SEZ6L2: variants seen among roughly 807,000 people sequenced by gnomAD.
SEZ6L2 encodes the protein seizure related 6 homolog like 2.
A neutral mutation model predicts 97.0 loss-of-function variants in SEZ6L2; 44 were observed. The ratio of observed to expected loss-of-function variants is 0.45; its 90% CI spans 0.36 to 0.58. The LOEUF (loss-of-function observed/expected upper bound fraction) is 0.58, where lower values mean the gene tolerates loss of function less well. Ranked by LOEUF, SEZ6L2 falls within the 20% of genes least tolerant of loss-of-function variation. The pLI is 0.00. For missense variants in SEZ6L2, 1,086 were observed against 1,233.3 expected, an observed-to-expected ratio of 0.88 and a Z score of 1.79; for synonymous variants, 543 against 546.1, an observed-to-expected ratio of 0.99 and a Z score of 0.08.
At chr16:29,884,112 G>A (rs897651712) in intron 8 of SEZ6L2, among the ~76,000 whole-genome samples, 13 of 152,010 alleles carry the variant, frequency 8.6e-5, no homozygotes, top group East Asian at 5.8e-4. Context: ...ACTAGGTTAA[G>A]TTGGAGCCCA....
intron 5 of SEZ6L2, among the ~76,000 whole-genome samples, 184 bp from the exon 6 acceptor site, chr16:29,888,909 A>C (rs2068207809): frequency 6.6e-6 from 1 of 151,830 alleles, no homozygotes; most frequent in South Asian, 2.1e-4. Context: ...GCGAACAGGA[A>C]ACTCCAACAC....
chr16:29,887,294 G>A (rs2068162922), intron 7 of SEZ6L2, among the ~76,000 whole-genome samples: 1 of 150,842 alleles, frequency 6.6e-6, no homozygotes, highest in African/African-American at 2.4e-5. Context: ...ACTTCCCTGA[G>A]GTGGGGACTT....
At position 29,895,710 on chromosome 16, in the gene SEZ6L2, G is replaced by T. The variant is rs775773398; in HGVS notation, c.651+11C>A. The T allele has an allele frequency of 2.5e-6, 4 of 1,610,778 alleles. No individual in the cohort carries two copies. Among genetic ancestry groups the T allele is most frequent in the East Asian group, 2.2e-5 (1 of 44,814 alleles). On this transcript the variant is annotated intron_variant, in intron 4 of 17. Transcript: ENST00000617533. ...TGGAAGCTGCACAGTCACATGCTTT[G>T]GTCCAGTTACCTGGATCTCAATGCC...
Position 29,896,948 on chromosome 16 carries a change from T to C in SEZ6L2, c.385A>G (p.Thr129Ala), listed in dbSNP as rs754285341. ...GGGCTGGGTGGGGGTGGGGCTGTGG[T>C]TCCTGGGGGCGGGGTCAGCAGTTCT... ...APELLTPPPG[T>A]TAPPPPSPAS... The change falls in exon 3 of 18, where the codon ACC (threonine) becomes GCC (alanine). Residue 129 changes from threonine (T) to alanine (A), a missense_variant. Physicochemically the swap from Thr to Ala is moderately conservative, Grantham distance 58. Around this residue, in one of 2 missense-constraint regions of SEZ6L2, gnomAD observed 776 missense variants for 794.7 expected, o/e 0.98. Transcript: ENST00000617533. 1.2e-6 allele frequency: 2 copies of C among 1,602,916 alleles called. No homozygotes were observed. The highest frequency in any genetic ancestry group is 1.7e-6 in the Non-Finnish European group (2 of 1,175,788).
At position 29,899,518 on chromosome 16, in the gene SEZ6L2, CG is replaced by C. The variant is rs1330329931; in HGVS notation, c.-500del. On this transcript the variant is annotated 5_prime_UTR_variant, in exon 1 of 18. Transcript: ENST00000617533. ...TTGGGGAACTGGGAGAGCCGAAGCT[CG>C]GGCACTGGAGCTGCGGGAGGGAGAA... 6.4e-6 allele frequency: 1 copy of C among 156,920 alleles called. No homozygotes were observed. Among genetic ancestry groups the C allele is most frequent in the Admixed American group, 6.5e-5 (1 of 15,270 alleles). 9.7% of individuals were successfully genotyped at this position (156,920 alleles called of 1,614,324 possible).
At position 29,885,760 on chromosome 16, in the gene SEZ6L2, C is replaced by A; in HGVS notation, c.1209-11G>T. ...GAGCGCACCATCAGCCTGGGATGGACAGAAACGTGACCAGGAGCTCAATCT... is the reference window on the plus strand; with the variant it reads ...GAGCGCACCATCAGCCTGGGATGGAAAGAAACGTGACCAGGAGCTCAATCT... On this transcript the variant is annotated splice_polypyrimidine_tract_variant and intron_variant, in intron 7 of 17. Transcript: ENST00000617533. 1 of 1,590,596 alleles carries A rather than the reference C, an allele frequency of 6.3e-7. No homozygotes were observed. Among genetic ancestry groups the A allele is most frequent in the Non-Finnish European group, 8.6e-7 (1 of 1,162,716 alleles).
Position 29,879,070 on chromosome 16 carries a change from T to G in SEZ6L2, c.1574-645A>C, listed in dbSNP as rs912162786. On this transcript the variant is annotated intron_variant, in intron 9 of 17. Transcript: ENST00000617533. ...GGCACGCACTACCATGCCCGGCTAA[T>G]TTTTGTATTTTTAGTAGAGACGGGG... Among the ~76,000 whole-genome samples, 11 of 148,026 alleles carry G rather than the reference T, an allele frequency of 7.4e-5. No homozygotes were observed. The East Asian group carries it at 1.4e-3, about 19-fold the overall frequency.
intron 8 of SEZ6L2, among the ~76,000 whole-genome samples, chr16:29,883,923 C>T (rs1031133513): frequency 6.6e-6 from 1 of 151,800 alleles, no homozygotes; most frequent in Non-Finnish European, 1.5e-5. Flanking sequence ...CAAAGCAAGA[C>T]CTATTTCAAT....
intron 12 of SEZ6L2, among the ~76,000 whole-genome samples, chr16:29,874,988 C>G (rs1162740976): frequency 6.6e-6 from 1 of 152,122 alleles, no homozygotes; most frequent in Admixed American, 6.6e-5. Flanking sequence ...AATTCTCGCA[C>G]CACAGCCTTC....
chr16:29,883,819 C>T (rs1029654445), intron 8 of SEZ6L2, among the ~76,000 whole-genome samples: 20 of 152,056 alleles, frequency 1.3e-4, no homozygotes, highest in Admixed American at 1.2e-3. Context: ...GTGGTCCCAG[C>T]TACTAGGGAG....
rs1477039019 is a variant in SEZ6L2, at chr16:29,873,255, G to A, written c.2473C>T (p.Pro825Ser). Reference sequence around the variant, plus strand: ...GGCCAGGCACCTTTGCAGAGTGGGGGCTGGCTGGTCCACTGGGAGGGGTGG... The same window carrying A: ...GGCCAGGCACCTTTGCAGAGTGGGGACTGGCTGGTCCACTGGGAGGGGTGG... The part of the protein sequence containing the change: ...PGHPSQWTSQ[P>S]PLCKVAYEEL... Residue 825 changes from proline to serine, a missense_variant, in exon 14 of 18, where the codon CCC (proline) becomes TCC (serine). Transcript: ENST00000617533. This position sits in a 1 kb window ranked among gnomAD's most constrained non-coding sequence, Gnocchi z 4.3. 1 of 1,613,948 alleles carries A rather than the reference G, an allele frequency of 6.2e-7. No homozygotes were observed. Among genetic ancestry groups the A allele is most frequent in the Non-Finnish European group, 8.5e-7 (1 of 1,179,980 alleles).
intron 12 of SEZ6L2, among the ~76,000 whole-genome samples, chr16:29,874,970 G>C (rs2067873266): frequency 6.6e-6 from 1 of 152,032 alleles, no homozygotes; most frequent in Non-Finnish European, 1.5e-5. Context: ...AAACTCCTGG[G>C]CTTAAGCAAT....
chr16:29,879,397 GTAT>G (rs969034573), intron 9 of SEZ6L2, among the ~76,000 whole-genome samples: 7 of 151,150 alleles, frequency 4.6e-5, no homozygotes, highest in Admixed American at 4.0e-4. Flanking sequence ...AGCTAATTTT[GTAT>G]TTTAAGTAGA....
chr16:29,878,536 A>G, intron 9 of SEZ6L2, 111 bp from the exon 10 acceptor site: 2 of 741,084 alleles, frequency 2.7e-6, no homozygotes, highest in Non-Finnish European at 3.8e-6. Context: ...CTTGTTTCCT[A>G]TTACCTATGA....
Position 29,877,406 on chromosome 16 carries a change from C to T in SEZ6L2, c.1774G>A (p.Val592Ile), listed in dbSNP as rs566357601. ...TGAGGTCCCCGCAGCTGGGCCAAGA[C>T]TCGGGCGCTGGGACCGTCCCCGTCG... Reference protein sequence around the residue: ...LFDGDGPSARVLAQLRGPQPR... With the variant: ...LFDGDGPSARILAQLRGPQPR... Residue 592 changes from valine (V) to isoleucine (I), a missense_variant, in exon 11 of 18, where the codon GTC becomes ATC. Val to Ile is a conservative substitution (Grantham distance 29, BLOSUM62 3). Coordinates refer to ENST00000617533, the MANE Select transcript of SEZ6L2 (RefSeq NM_001243332.2). 2.4e-5 allele frequency: 38 copies of T among 1,612,570 alleles called. No individual in the cohort carries two copies. Among genetic ancestry groups the T allele is most frequent in the Non-Finnish European group, 3.0e-5 (35 of 1,179,454 alleles).
chr16:29,888,433 T>C, intron 6 of SEZ6L2, 107 bp downstream of exon 6: 1 of 1,230,420 alleles, frequency 8.1e-7, no homozygotes, highest in Non-Finnish European at 1.1e-6. Context: ...AAACACCCCT[T>C]CAGAATGGGT....
intron 5 of SEZ6L2, 63 bp downstream of exon 5, chr16:29,895,196 A>C: frequency 1.7e-6 from 2 of 1,176,746 alleles, no homozygotes; most frequent in Non-Finnish European, 2.4e-6. Flanking sequence ...AAAAAAAAAA[A>C]AAAGATGTCC....
intron 2 of SEZ6L2, among the ~76,000 whole-genome samples, 174 bp downstream of exon 2, chr16:29,897,679 A>G (rs2068434802): frequency 6.6e-6 from 1 of 152,040 alleles, no homozygotes; most frequent in African/African-American, 2.4e-5. Context: ...GTCTGTGCCC[A>G]GGTTTGACTT....
chr16:29,875,479 C>T (rs1490427873), intron 12 of SEZ6L2, among the ~76,000 whole-genome samples: 5 of 152,148 alleles, frequency 3.3e-5, no homozygotes, highest in South Asian at 4.1e-4. Flanking sequence ...CTTCCAGGGG[C>T]GGGAAGCTTT....
Sources: allele counts gnomAD v4.1 joint callset (sites outside exome capture counted in the v4.1 genomes callset), GRCh38; gene constraint gnomAD v4.1.1; regional missense constraint gnomAD v4.1.1; non-coding constraint Gnocchi (gnomAD v3.1); transcripts MANE v1.5; gene names NCBI Gene and HGNC (gene_info 2026-07-23, HGNC 2026-07-21).